Variants in SUMF1 observed in about 807,000 individuals in gnomAD.
SUMF1 encodes formylglycine-generating enzyme.
SUMF1 carries 48 observed loss-of-function variants against 47.6 expected under a neutral mutation model. The observed-to-expected ratio is 1.01, with a 90% CI of 0.80 to 1.28. The LOEUF (loss-of-function observed/expected upper bound fraction) is 1.28, where lower values mean the gene tolerates loss of function less well. Among genes scored for constraint, SUMF1 ranks in the 50% most tolerant of loss-of-function variants. SUMF1 has a pLI of 0.00. For missense variants in SUMF1, 571 were observed against 485.4 expected (o/e 1.18, Z -1.66); for synonymous variants, 230 against 192.1 (o/e 1.20, Z -1.63).
chr3:4,266,708 C>A (rs1466518871), intron 8 of SUMF1, among the ~76,000 whole-genome samples: 2 of 150,532 alleles, frequency 1.3e-5, no homozygotes, highest in African/African-American at 4.9e-5. Context: ...TAATTGAATA[C>A]CCTTTATTTC....
chr3:4,133,564 C>T (rs1087730), intron 8 of SUMF1, among the ~76,000 whole-genome samples: 38,741 of 151,990 alleles, frequency 0.25, 5,817 homozygotes, highest in East Asian at 0.4. Context: ...TGGGTGGGCA[C>T]AATCTAATCA....
chr3:4,113,536 C>T (rs1693357380), intron 8 of SUMF1, among the ~76,000 whole-genome samples: 2 of 151,440 alleles, frequency 1.3e-5, no homozygotes, highest in African/African-American at 2.4e-5. Context: ...CGCCCCCCAC[C>T]CCCAAAAAAG....
intron 8 of SUMF1, among the ~76,000 whole-genome samples, chr3:4,336,855 A>T (rs1040750721): frequency 6.6e-6 from 1 of 152,168 alleles, no homozygotes; most frequent in African/African-American, 2.4e-5. Context: ...ATCTGGGAAA[A>T]TACAAATTAC....
At chr3:4,328,108 C>T (rs1313767109) in intron 8 of SUMF1, among the ~76,000 whole-genome samples, 2 of 152,014 alleles carry the variant, frequency 1.3e-5, no homozygotes, top group Non-Finnish European at 2.9e-5. Context: ...GTCCAAGGTA[C>T]TTAGGAGGCT....
chr3:4,224,226 T>A lies in SUMF1; in HGVS notation c.1014+152104A>T, dbSNP rs542996748. On this transcript the variant is annotated intron_variant and NMD_transcript_variant, in intron 8 of 12. Transcript: ENST00000448413. ...TAAAGTTTCTATCAGAAAAGCAAGG[T>A]AGGTTAGTTTCGCATTACTTAGGAA... Among the ~76,000 whole-genome samples, 17 of 152,078 alleles carry A rather than the reference T, an allele frequency of 1.1e-4. No homozygotes were observed. The South Asian group carries it at 3.5e-3, about 32-fold the overall frequency.
intron 8 of SUMF1, among the ~76,000 whole-genome samples, chr3:4,221,693 G>A (rs1236675603): frequency 6.6e-6 from 1 of 152,098 alleles, no homozygotes; most frequent in Admixed American, 6.6e-5. Context: ...GAATTCTCTA[G>A]TGAATGGGAC....
chr3:4,387,342 A>G (rs1009222656), intron 7 of SUMF1, among the ~76,000 whole-genome samples: 4 of 151,914 alleles, frequency 2.6e-5, no homozygotes, highest in African/African-American at 7.2e-5. Context: ...TTTTTTGAGG[A>G]AGTGTTGTTT....
intron 9 of SUMF1, among the ~76,000 whole-genome samples, chr3:4,037,454 CA>C (rs1349321278): frequency 2.6e-5 from 4 of 152,122 alleles, no homozygotes; most frequent in African/African-American, 9.7e-5. Context: ...GCCAATATAA[CA>C]AGAGATGAAG....
intron 8 of SUMF1, among the ~76,000 whole-genome samples, chr3:4,219,158 G>A (rs142582377): frequency 5.2e-4 from 79 of 152,264 alleles, no homozygotes; most frequent in Admixed American, 9.2e-4. Flanking sequence ...GATTCTTGTT[G>A]CCACTTGGCA....
At chr3:4,381,707 A>G (rs1205915939) in intron 7 of SUMF1, among the ~76,000 whole-genome samples, 3 of 152,200 alleles carry the variant, frequency 2.0e-5, no homozygotes, top group African/African-American at 7.2e-5. Flanking sequence ...TTTATAGAGG[A>G]ATTCCAGATA....
chr3:4,410,363 G>A (rs1251741252), intron 7 of SUMF1, among the ~76,000 whole-genome samples: 1 of 152,130 alleles, frequency 6.6e-6, no homozygotes, highest in Admixed American at 6.6e-5. Context: ...ATACTAAGAG[G>A]TTCAGGAATT....
chr3:4,144,711 C>A (rs780576572), intron 8 of SUMF1, among the ~76,000 whole-genome samples: 3 of 152,090 alleles, frequency 2.0e-5, no homozygotes, highest in African/African-American at 7.2e-5. Context: ...TTACCCTACT[C>A]TATGTAAAAT....
At chr3:4,116,784 G>A (rs945775022) in intron 8 of SUMF1, among the ~76,000 whole-genome samples, 4 of 151,998 alleles carry the variant, frequency 2.6e-5, no homozygotes, top group Admixed American at 6.6e-5. Flanking sequence ...ACTTCTCACT[G>A]GACAATTCCA....
chr3:4,303,365 G>A, intron 8 of SUMF1: 1 of 1,544,130 alleles, frequency 6.5e-7, no homozygotes, highest in Non-Finnish European at 8.7e-7. Context: ...TGCGTGAGGC[G>A]GGTAAATGTT....
At position 4,256,055 on chromosome 3, in the gene SUMF1, C is replaced by T. The variant is rs567989539; in HGVS notation, c.1014+120275G>A. Among the ~76,000 whole-genome samples the T allele has an allele frequency of 8.7e-3, 1,302 of 150,458 alleles. 17 individuals are homozygous for T. The highest frequency in any genetic ancestry group is 0.031 in the African/African-American group (1,241 of 40,594). ...AAATGAAGGCAGAAATAAAGATGTT[C>T]TTTGAAACCAATGAGAACAAAGACA... On this transcript the variant is annotated intron_variant and NMD_transcript_variant, in intron 8 of 12. Coordinates refer to the SUMF1 transcript ENST00000448413.
intron 7 of SUMF1, among the ~76,000 whole-genome samples, chr3:4,395,676 C>T (rs1701017697): frequency 6.6e-6 from 1 of 152,166 alleles, no homozygotes; most frequent in Non-Finnish European, 1.5e-5. Flanking sequence ...TTCCTCCATG[C>T]TACTTGTTTC....
intron 8 of SUMF1, among the ~76,000 whole-genome samples, chr3:4,154,774 G>GCATT (rs1694415061): frequency 6.6e-6 from 1 of 151,574 alleles, no homozygotes; most frequent in South Asian, 2.1e-4. Flanking sequence ...TCTAAGAACT[G>GCATT]CATTGTAGGA....
Position 4,362,064 on chromosome 3 carries a change from G to T in SUMF1, c.*80C>A, listed in dbSNP as rs1232967060. The T allele has an allele frequency of 2.2e-6, 3 of 1,367,462 alleles. No individual in the cohort carries two copies. Among genetic ancestry groups the T allele is most frequent in the Non-Finnish European group, 3.1e-6 (3 of 962,932 alleles). 84.7% of individuals were successfully genotyped at this position (1,367,462 alleles called of 1,614,324 possible). On this transcript the variant is annotated 3_prime_UTR_variant, in exon 9 of 9. Coordinates refer to ENST00000272902, the MANE Select transcript of SUMF1 (RefSeq NM_182760.4). ...CTCAGGGTGGGAATTCTTTGCATGG[G>T]ATCGTTCAAAGTTCTGAGAAAAGCC...
chr3:4,301,157 A>G (rs531484718), intron 8 of SUMF1, among the ~76,000 whole-genome samples: 1 of 152,342 alleles, frequency 6.6e-6, no homozygotes, highest in East Asian at 1.9e-4. Flanking sequence ...AACAGGGTAA[A>G]GAAAGATACA....
Sources: allele counts gnomAD v4.1 joint callset (sites outside exome capture counted in the v4.1 genomes callset), GRCh38; gene constraint gnomAD v4.1.1; transcripts MANE v1.5; gene names NCBI Gene and HGNC (gene_info 2026-07-23, HGNC 2026-07-21).